The following PCSK2 variants were observed in gnomAD, a reference collection of about 807,000 sequenced individuals.
The protein encoded by PCSK2 is neuroendocrine convertase 2.
A neutral mutation model predicts 69.7 loss-of-function variants in PCSK2; 14 were observed. The observed-to-expected ratio is 0.20, with a 90% confidence interval of 0.13 to 0.31. PCSK2 has a LOEUF of 0.31. PCSK2 is among the 10% of genes least tolerant of loss of function. PCSK2 has a pLI of 1.00. For synonymous variants in PCSK2, 307 were observed against 320.7 expected, an observed-to-expected ratio of 0.96 and a Z score of 0.46; for missense variants, 544 against 842.5, an observed-to-expected ratio of 0.65 and a Z score of 4.39.
At chr20:17,268,060 T>A (rs865787570) in intron 2 of PCSK2, among the ~76,000 whole-genome samples, 19 of 146,226 alleles carry the variant, frequency 1.3e-4, no homozygotes, top group African/African-American at 4.8e-4. Flanking sequence ...TATATATATA[T>A]ATAATGCATT....
At chr20:17,481,467 G>C (rs2033400694) in intron 11 of PCSK2, 117 bp from the exon 12 acceptor site, 1 of 798,236 alleles carries the variant, frequency 1.3e-6, no homozygotes, top group Non-Finnish European at 2.0e-6. Context: ...CTAAACCCAG[G>C]TCTGATTGAT....
intron 2 of PCSK2, among the ~76,000 whole-genome samples, chr20:17,262,462 A>T (rs891125304): frequency 1.9e-4 from 21 of 112,184 alleles, no homozygotes; most frequent in Middle Eastern, 4.3e-3. Context: ...AATTTTTTTC[A>T]AAACGAAAAA....
intron 7 of PCSK2, among the ~76,000 whole-genome samples, chr20:17,430,199 A>G (rs2032335788): frequency 1.3e-5 from 2 of 152,266 alleles, no homozygotes; most frequent in East Asian, 3.9e-4. Flanking sequence ...AGAACCCAAT[A>G]TCCCTCCCCT....
chr20:17,298,174 A>G (rs1988959103), intron 2 of PCSK2, among the ~76,000 whole-genome samples: 1 of 152,188 alleles, frequency 6.6e-6, no homozygotes. Context: ...TATTATATCA[A>G]TCCTGAGTAA....
At chr20:17,354,463 T>A (rs2030126676) in intron 2 of PCSK2, among the ~76,000 whole-genome samples, 2 of 152,132 alleles carry the variant, frequency 1.3e-5, no homozygotes, top group Admixed American at 1.3e-4. Flanking sequence ...AATGTGAAAA[T>A]ATAGTTTAGA....
intron 7 of PCSK2, among the ~76,000 whole-genome samples, chr20:17,433,814 C>CTCTCT (rs1555795288): frequency 0.1 from 7,249 of 70,732 alleles, 989 homozygotes; most frequent in Non-Finnish European, 0.11. Flanking sequence ...TCTCTCTCTC[C>CTCTCT]CCCCACTTCC....
In PCSK2 at chr20:17,309,647, G is replaced by A. The variant is rs187978763; in HGVS notation, c.283-48680G>A. ...AGCCTGGCCAACATGGTGAAACCCC[G>A]TCTCTACTAAAAATACAAAAATTAG... On this transcript the variant is annotated intron_variant, in intron 2 of 11. Coordinates refer to ENST00000262545, the MANE Select transcript of PCSK2 (RefSeq NM_002594.5). 1.6e-4 allele frequency among the ~76,000 whole-genome samples: 25 copies of A among 152,078 alleles called. No individual in the cohort carries two copies. The East Asian group carries it at 3.7e-3, about 22-fold the overall frequency.
chr20:17,303,470 AT>A (rs1355924039), intron 2 of PCSK2, among the ~76,000 whole-genome samples: 1 of 58,046 alleles, frequency 1.7e-5, no homozygotes, highest in Admixed American at 2.4e-4. Context: ...TATAATATAT[AT>A]TATATATAAT....
intron 5 of PCSK2, among the ~76,000 whole-genome samples, chr20:17,382,313 A>G (rs564384445): frequency 6.6e-5 from 10 of 152,290 alleles, no homozygotes; most frequent in African/African-American, 1.9e-4. Flanking sequence ...TGAGCGTGTT[A>G]AGCCAGTGAA....
intron 4 of PCSK2, among the ~76,000 whole-genome samples, chr20:17,366,585 A>G (rs1030308694): frequency 6.6e-6 from 1 of 152,276 alleles, no homozygotes; most frequent in African/African-American, 2.4e-5. Flanking sequence ...AGATGTGTTC[A>G]GTACCTCCCA....
intron 5 of PCSK2, among the ~76,000 whole-genome samples, chr20:17,401,527 T>C (rs191253507): frequency 6.6e-6 from 1 of 152,270 alleles, no homozygotes; most frequent in African/African-American, 2.4e-5. Context: ...TATGTCAACA[T>C]ATGAATTTTG....
chr20:17,429,630 C>T (rs976931086), intron 7 of PCSK2, 107 bp downstream of exon 7: 1 of 710,250 alleles, frequency 1.4e-6, no homozygotes. Flanking sequence ...CTAGGATCCA[C>T]AGATTTGGCA....
At chr20:17,331,088 T>G (rs930342106) in intron 2 of PCSK2, among the ~76,000 whole-genome samples, 1 of 152,108 alleles carries the variant, frequency 6.6e-6, no homozygotes, top group Non-Finnish European at 1.5e-5. Context: ...AGATGGGGAT[T>G]GAAAATGTTT....
intron 5 of PCSK2, among the ~76,000 whole-genome samples, chr20:17,380,553 A>G (rs1026279196): frequency 3.9e-5 from 6 of 152,224 alleles, no homozygotes; most frequent in African/African-American, 1.4e-4. Flanking sequence ...AAATGGGTTA[A>G]TAATAATACT....
intron 8 of PCSK2, among the ~76,000 whole-genome samples, chr20:17,448,460 A>G (rs565317555): frequency 6.6e-6 from 1 of 152,334 alleles, no homozygotes; most frequent in African/African-American, 2.4e-5. Flanking sequence ...AAATTGCTTG[A>G]ATGTTTCAGA....
At chr20:17,314,322 T>C (rs1444998897) in intron 2 of PCSK2, among the ~76,000 whole-genome samples, 1 of 152,074 alleles carries the variant, frequency 6.6e-6, no homozygotes. Context: ...GGCTTGAAAA[T>C]AATGCTGAGA....
At position 17,433,812 on chromosome 20, in the gene PCSK2, T is replaced by TCTCTCTCCC. The variant is rs774361715; in HGVS notation, c.710-2895_710-2894insTCTCTCCCC. 3.6e-4 allele frequency among the ~76,000 whole-genome samples: 38 copies of TCTCTCTCCC among 104,166 alleles called. 3 individuals carry two copies. The highest frequency in any genetic ancestry group is 7.6e-4 in the East Asian group (2 of 2,620). The allele number at this position is 104,166 out of a possible 152,430, so 68.3% of individuals were successfully genotyped here. On this transcript the variant is annotated intron_variant, in intron 7 of 11. Coordinates refer to ENST00000262545, the MANE Select transcript of PCSK2 (RefSeq NM_002594.5). Reference sequence around the variant, plus strand: ...CTCTCTCTCTCTCTCTCTCTCTCTCTCCCCCCACTTCCTTCCCTCCTCCTC... The same window carrying TCTCTCTCCC: ...CTCTCTCTCTCTCTCTCTCTCTCTCTCTCTCTCCCCCCCCCACTTCCTTCCCTCCTCCTC...
intron 2 of PCSK2, among the ~76,000 whole-genome samples, chr20:17,303,476 TATAA>T (rs1372024016): frequency 1.2e-4 from 6 of 50,246 alleles, no homozygotes; most frequent in East Asian, 8.8e-4. Flanking sequence ...ATATATTATA[TATAA>T]TATATATTAT....
At chr20:17,452,170 G>A (rs1254521478) in intron 8 of PCSK2, among the ~76,000 whole-genome samples, 1 of 151,836 alleles carries the variant, frequency 6.6e-6, no homozygotes, top group African/African-American at 2.4e-5. Flanking sequence ...ATGAACCACC[G>A]CGCCCGGCCA....
Sources: allele counts gnomAD v4.1 joint callset (sites outside exome capture counted in the v4.1 genomes callset), GRCh38; gene constraint gnomAD v4.1.1; transcripts MANE v1.5; gene names NCBI Gene and HGNC (gene_info 2026-07-23, HGNC 2026-07-21).